The following VIT variants were observed in gnomAD, a reference collection of about 807,000 sequenced individuals.
VIT encodes vitrin.
Under a neutral mutation model 78.0 loss-of-function variants are expected in VIT, and 99 were observed. The observed-to-expected ratio is 1.27, with a 90% CI of 1.08 to 1.50. The LOEUF is 1.50. Ranked by LOEUF, VIT falls within the 40% of genes most tolerant of loss-of-function variation. The pLI, the probability that VIT is intolerant of heterozygous loss-of-function variation, is 0.00. For synonymous variants in VIT, 374 were observed against 334.3 expected, an observed-to-expected ratio of 1.12 and a Z score of -1.29; for missense variants, 1,126 against 875.3, an observed-to-expected ratio of 1.29 and a Z score of -3.61.
chr2:36,811,654 T>C lies in VIT; in HGVS notation c.1904-2529T>C, dbSNP rs539632000. Among the ~76,000 whole-genome samples, 8 of 151,904 alleles carry C rather than the reference T, an allele frequency of 5.3e-5. No individual in the cohort carries two copies. In the East Asian group the frequency reaches 1.5e-3, roughly 29 times the overall value. On this transcript the variant is annotated intron_variant, in intron 15 of 15. Transcript: ENST00000379242. ...GATCTGGAAAACTAAATTTATTTTC[T>C]TTTTTTTCTTTCTTTCTTTTTTTTT...
chr2:36,702,316 C>A (rs757238597), intron 1 of VIT, among the ~76,000 whole-genome samples: 78 of 152,132 alleles, frequency 5.1e-4, no homozygotes, highest in Non-Finnish European at 5.3e-4. Context: ...GCCTCAATTT[C>A]CCCCAGACAC....
chr2:36,755,780 C>T (rs1383208869), intron 5 of VIT, among the ~76,000 whole-genome samples: 1 of 151,988 alleles, frequency 6.6e-6, no homozygotes, highest in Non-Finnish European at 1.5e-5. Context: ...TTGCTTTCCC[C>T]CTCTGCACCT....
At chr2:36,766,625 G>A (rs1011371465) in intron 6 of VIT, among the ~76,000 whole-genome samples, 6 of 152,172 alleles carry the variant, frequency 3.9e-5, no homozygotes, top group African/African-American at 1.4e-4. Flanking sequence ...GCCCAGAAGA[G>A]TTGACTAGTC....
intron 3 of VIT, among the ~76,000 whole-genome samples, chr2:36,731,983 G>GCAACCAT (rs529135416): frequency 1.1e-3 from 162 of 152,276 alleles, no homozygotes; most frequent in African/African-American, 3.8e-3. Flanking sequence ...GACCAAAAGG[G>GCAACCAT]CAACCATCCA....
At chr2:36,761,863 G>C (rs1669144132) in intron 6 of VIT, among the ~76,000 whole-genome samples, 1 of 152,162 alleles carries the variant, frequency 6.6e-6, no homozygotes, top group Non-Finnish European at 1.5e-5. Flanking sequence ...TACTTTCTCT[G>C]TGCCACACAC....
At chr2:36,795,724 C>G (rs778154363) in intron 12 of VIT, among the ~76,000 whole-genome samples, 2 of 152,124 alleles carry the variant, frequency 1.3e-5, no homozygotes, top group Non-Finnish European at 2.9e-5. Context: ...CTTGTTTCAA[C>G]TCTCTTCAAG....
At chr2:36,813,919 C>T (rs1321000910) in intron 15 of VIT, among the ~76,000 whole-genome samples, 1 of 152,192 alleles carries the variant, frequency 6.6e-6, no homozygotes, top group Non-Finnish European at 1.5e-5. Context: ...ATACTATAAA[C>T]TCCTGAGATA....
At chr2:36,697,077 A>AAAC (rs1664724807) in intron 1 of VIT, 104 bp downstream of exon 1, 1 of 129,472 alleles carries the variant, frequency 7.7e-6, no homozygotes, top group African/African-American at 2.8e-5. Context: ...TTGACCGAGT[A>AAAC]AGCAAATTTC....
intron 12 of VIT, among the ~76,000 whole-genome samples, chr2:36,791,936 CA>C (rs1168170797): frequency 2.7e-5 from 4 of 149,052 alleles, no homozygotes; most frequent in East Asian, 2.0e-4. Flanking sequence ...AGTCTGCAGC[CA>C]AAAAAAAAGG....
chr2:36,808,048 C>G (rs920379733), intron 14 of VIT, among the ~76,000 whole-genome samples: 2 of 152,202 alleles, frequency 1.3e-5, no homozygotes, highest in Non-Finnish European at 2.9e-5. Flanking sequence ...ATAGCGATTT[C>G]TTGTGTATGT....
intron 2 of VIT, among the ~76,000 whole-genome samples, chr2:36,727,583 G>A (rs1245146325): frequency 6.6e-6 from 1 of 152,232 alleles, no homozygotes; most frequent in Non-Finnish European, 1.5e-5. Flanking sequence ...CAAAGGACAA[G>A]TATCCAAGAG....
At chr2:36,753,522 C>T (rs757154352) in intron 4 of VIT, among the ~76,000 whole-genome samples, 47 of 152,054 alleles carry the variant, frequency 3.1e-4, no homozygotes, top group African/African-American at 8.0e-4. Flanking sequence ...TAGTACAAGA[C>T]GGAACAAAAT....
In VIT at chr2:36,808,880, C is replaced by G; in HGVS notation, c.1798C>G (p.Leu600Val). ...TGCCATCAACTTCGCCCTGGAGCAG[C>G]TCTTCAAGAAGTCCAAGCCCAACAA... ...GAAINFALEQ[L>V]FKKSKPNKRK... The change falls in exon 15 of 16, where the codon CTC becomes GTC. Residue 600 changes from leucine (L) to valine (V), a missense_variant. Coordinates refer to ENST00000379242, the MANE Select transcript of VIT (RefSeq NM_053276.4). The G allele has an allele frequency of 8.1e-6, 13 of 1,614,196 alleles. No individual in the cohort carries two copies. The highest frequency in any genetic ancestry group is 1.1e-5 in the Non-Finnish European group (13 of 1,180,040).
chr2:36,714,320 T>C (rs1665991568), intron 1 of VIT, among the ~76,000 whole-genome samples: 1 of 152,246 alleles, frequency 6.6e-6, no homozygotes, highest in Admixed American at 6.5e-5. Flanking sequence ...GCCTAGCTAG[T>C]ACTAGATGGT....
intron 12 of VIT, among the ~76,000 whole-genome samples, chr2:36,800,864 C>T (rs1666273141): frequency 6.6e-6 from 1 of 152,158 alleles, no homozygotes; most frequent in Non-Finnish European, 1.5e-5. Context: ...AATTCCAGTG[C>T]TAAGGGTAAC....
At chr2:36,709,249 G>C (rs989000608) in intron 1 of VIT, among the ~76,000 whole-genome samples, 1 of 152,176 alleles carries the variant, frequency 6.6e-6, no homozygotes, top group African/African-American at 2.4e-5. Flanking sequence ...TATGGCAAGG[G>C]GAGAAATGCA....
chr2:36,761,825 C>A (rs540948335), intron 6 of VIT, among the ~76,000 whole-genome samples: 3 of 152,272 alleles, frequency 2.0e-5, no homozygotes, highest in South Asian at 4.1e-4. Context: ...GGCCACATAA[C>A]CTTCTGTGAC....
At chr2:36,792,156 A>C (rs1204618877) in intron 12 of VIT, among the ~76,000 whole-genome samples, 1 of 152,112 alleles carries the variant, frequency 6.6e-6, no homozygotes, top group African/African-American at 2.4e-5. Context: ...TGAGACCCAG[A>C]GCTTGGTATT....
chr2:36,801,339 C>A lies in VIT; in HGVS notation c.1097C>A (p.Thr366Lys), dbSNP rs373378679. ...ACTCACTTTAACCTCAAGACACACA[C>A]GAATTCTCGAGATCTGAAGACAGCC... ...PATHFNLKTH[T>K]NSRDLKTAIE... Residue 366 changes from threonine to lysine, a missense_variant, in exon 13 of 16, where the codon ACG becomes AAG. By Grantham distance (78) the Thr-to-Lys change is moderately conservative (BLOSUM62 -1). Transcript: ENST00000379242. 19 of 1,614,002 alleles carry A rather than the reference C, an allele frequency of 1.2e-5. No homozygotes were observed. Among genetic ancestry groups the A allele is most frequent in the Middle Eastern group, 1.6e-4 (1 of 6,084 alleles).
Sources: gnomAD v4.1 joint callset for allele counts (sites outside exome capture counted in the v4.1 genomes callset) on GRCh38, gnomAD v4.1.1 for gene constraint, MANE v1.5 for transcripts, NCBI Gene and HGNC (gene_info 2026-07-23, HGNC 2026-07-21) for gene names.